The following VRTN variants were observed in gnomAD, a reference collection of about 807,000 sequenced individuals.
The protein encoded by VRTN is vertebrae development associated.
A neutral mutation model predicts 18.2 loss-of-function variants in VRTN; 5 were observed. That is an observed-to-expected ratio of 0.27 (90% CI 0.14 to 0.58). VRTN has a LOEUF of 0.58. VRTN is among the 20% of genes least tolerant of loss of function. VRTN has a pLI of 0.91. For missense variants in VRTN, 741 were observed against 939.4 expected (o/e 0.79, Z 2.76); for synonymous variants, 381 against 393.7 (o/e 0.97, Z 0.38).
intron 1 of VRTN, among the ~76,000 whole-genome samples, chr14:74,312,688 T>C (rs2085395590): frequency 6.6e-6 from 1 of 151,480 alleles, no homozygotes. Context: ...TGGGCTGAAG[T>C]GATCTGCCTT....
chr14:74,320,960 G>A (rs968982303), intron 1 of VRTN, among the ~76,000 whole-genome samples: 12 of 149,370 alleles, frequency 8.0e-5, no homozygotes, highest in African/African-American at 3.0e-4. Context: ...GATCAACTGT[G>A]TCAAATGTTC....
In VRTN at chr14:74,319,259, C is replaced by T. The variant is rs565678408; in HGVS notation, c.-164+16083C>T. 5.9e-5 allele frequency among the ~76,000 whole-genome samples: 9 copies of T among 152,200 alleles called. No individual in the cohort carries two copies. In the South Asian group the frequency reaches 1.9e-3, roughly 32 times the overall value. On this transcript the variant is annotated intron_variant, in intron 1 of 2. Transcript: ENST00000557177. ...ATGTTGGCCAGGCTGGTATTGAGCT[C>T]CTGACCCCAAATGATCCACCCTCCT...
intron 1 of VRTN, among the ~76,000 whole-genome samples, chr14:74,330,859 G>A (rs748478586): frequency 9.9e-5 from 15 of 151,976 alleles, no homozygotes; most frequent in African/African-American, 1.7e-4. Context: ...GCCTCATTCC[G>A]AAGGGCAAGA....
chr14:74,333,321 T>G (rs141185180), intron 1 of VRTN, among the ~76,000 whole-genome samples: 2,395 of 151,946 alleles, frequency 0.016, 57 homozygotes, highest in African/African-American at 0.055. Context: ...AGGCGGAGGT[T>G]GCAGTGAGCC....
chr14:74,325,173 G>T (rs2140198737), intron 1 of VRTN, among the ~76,000 whole-genome samples: 1 of 152,226 alleles, frequency 6.6e-6, no homozygotes, highest in African/African-American at 2.4e-5. Context: ...GCAAGGGTCA[G>T]TGCAGACCCC....
intron 1 of VRTN, among the ~76,000 whole-genome samples, chr14:74,350,309 C>T (rs1318491284): frequency 6.6e-6 from 1 of 152,032 alleles, no homozygotes; most frequent in Non-Finnish European, 1.5e-5. Context: ...ATACTTGTAC[C>T]TCCTACCTCT....
intron 1 of VRTN, among the ~76,000 whole-genome samples, chr14:74,333,576 A>C: frequency 6.6e-6 from 1 of 151,976 alleles, no homozygotes; most frequent in East Asian, 2.0e-4. Context: ...ATGGTGGCTC[A>C]CATCTGTAAT....
chr14:74,311,191 A>G (rs1413241154), intron 1 of VRTN, among the ~76,000 whole-genome samples: 1 of 152,150 alleles, frequency 6.6e-6, no homozygotes, highest in Non-Finnish European at 1.5e-5. Context: ...TAATTGAAAA[A>G]TTGAAAAGCA....
chr14:74,310,039 A>G (rs2085377342), intron 1 of VRTN, among the ~76,000 whole-genome samples: 1 of 152,186 alleles, frequency 6.6e-6, no homozygotes, highest in Non-Finnish European at 1.5e-5. Flanking sequence ...AATGCTTATC[A>G]AAGGAGGAGC....
intron 1 of VRTN, among the ~76,000 whole-genome samples, chr14:74,323,548 C>T (rs2085469131): frequency 6.6e-6 from 1 of 151,798 alleles, no homozygotes; most frequent in Admixed American, 6.6e-5. Context: ...CGCCCCACTG[C>T]ACTCCAGGCT....
upstream of VRTN, among the ~76,000 whole-genome samples, chr14:74,346,570 C>T (rs1044262421): frequency 3.3e-5 from 5 of 152,224 alleles, no homozygotes; most frequent in South Asian, 2.1e-4. Flanking sequence ...TGCACTACCA[C>T]GCCTGGCCAT....
chr14:74,333,671 C>A (rs2085543684), intron 1 of VRTN, among the ~76,000 whole-genome samples: 1 of 151,810 alleles, frequency 6.6e-6, no homozygotes, highest in African/African-American at 2.4e-5. Context: ...GAAACCCCAT[C>A]TCTACTAAAA....
intron 1 of VRTN, among the ~76,000 whole-genome samples, chr14:74,312,996 C>T (rs1353665519): frequency 6.8e-6 from 1 of 147,234 alleles, no homozygotes; most frequent in Non-Finnish European, 1.5e-5. Context: ...CTGCCTCGGC[C>T]TCCCAAAGTG....
chr14:74,316,470 G>A (rs757401365), intron 1 of VRTN, among the ~76,000 whole-genome samples: 1 of 151,340 alleles, frequency 6.6e-6, no homozygotes, highest in East Asian at 2.0e-4. Context: ...CCGAGATCAC[G>A]CCACTGCACT....
At chr14:74,352,242 G>T (rs560014204) in intron 1 of VRTN, among the ~76,000 whole-genome samples, 1 of 151,702 alleles carries the variant, frequency 6.6e-6, no homozygotes, top group Non-Finnish European at 1.5e-5. Context: ...TGCGGTGGGC[G>T]ATCTCGGCTC....
chr14:74,323,195 T>C (rs745514689), intron 1 of VRTN, among the ~76,000 whole-genome samples: 4 of 152,124 alleles, frequency 2.6e-5, no homozygotes, highest in African/African-American at 4.8e-5. Flanking sequence ...CTTCTCCACC[T>C]ACAAGCTGCA....
intron 2 of VRTN, among the ~76,000 whole-genome samples, chr14:74,340,566 A>G (rs1040235107): frequency 1.3e-5 from 2 of 151,862 alleles, no homozygotes; most frequent in African/African-American, 4.8e-5. Flanking sequence ...TTGAGTTTCA[A>G]CTCTCACACT....
intron 1 of VRTN, among the ~76,000 whole-genome samples, chr14:74,307,973 C>A (rs769906448): frequency 6.6e-6 from 1 of 152,206 alleles, no homozygotes; most frequent in Non-Finnish European, 1.5e-5. Context: ...TGTGATCTAC[C>A]TGCCTCAGCC....
At chr14:74,326,355 G>A (rs2085487635) in intron 1 of VRTN, among the ~76,000 whole-genome samples, 1 of 152,106 alleles carries the variant, frequency 6.6e-6, no homozygotes, top group African/African-American at 2.4e-5. Context: ...TGGGAATTTG[G>A]GGACTGGAGA....
Sources: allele counts gnomAD v4.1 joint callset (sites outside exome capture counted in the v4.1 genomes callset), GRCh38; gene constraint gnomAD v4.1.1; transcripts MANE v1.5; gene names NCBI Gene and HGNC (gene_info 2026-07-23, HGNC 2026-07-21).